Variants in SYNPR observed in about 807,000 individuals in gnomAD.
The protein encoded by SYNPR is synaptoporin.
In SYNPR, 23 loss-of-function variants were observed where a neutral mutation model predicts 32.9. The observed-to-expected ratio is 0.70, with a 90% CI of 0.50 to 0.99. SYNPR has a LOEUF of 0.99. Among genes scored for constraint, SYNPR ranks in the 50% least tolerant of loss-of-function variants. The pLI, the probability that SYNPR is intolerant of heterozygous loss-of-function variation, is 0.00. For synonymous variants in SYNPR, 146 were observed against 135.9 expected, an observed-to-expected ratio of 1.07 and a Z score of -0.52; for missense variants, 318 against 349.3, an observed-to-expected ratio of 0.91 and a Z score of 0.71.
intron 4 of SYNPR, among the ~76,000 whole-genome samples, chr3:63,595,951 T>TTA (rs1303748170): frequency 1.4e-4 from 16 of 116,774 alleles, no homozygotes; most frequent in Admixed American, 2.8e-4. Flanking sequence ...ATATATAGTT[T>TTA]TATATATATA....
intron 3 of SYNPR, among the ~76,000 whole-genome samples, chr3:63,488,679 G>T (rs1701201720): frequency 6.6e-6 from 1 of 151,648 alleles, no homozygotes; most frequent in Non-Finnish European, 1.5e-5. Context: ...TCCCTGAGTT[G>T]CTATCATTGT....
intron 2 of SYNPR, among the ~76,000 whole-genome samples, chr3:63,397,302 G>A (rs920626142): frequency 6.6e-6 from 1 of 152,080 alleles, no homozygotes; most frequent in African/African-American, 2.4e-5. Context: ...AAATGCAAGG[G>A]TTGATTTAAA....
At chr3:63,342,156 A>G (rs2087378422) in intron 2 of SYNPR, among the ~76,000 whole-genome samples, 1 of 152,190 alleles carries the variant, frequency 6.6e-6, no homozygotes, top group South Asian at 2.1e-4. Context: ...CCCTCTTCAA[A>G]GATCAAGGCT....
intron 2 of SYNPR, among the ~76,000 whole-genome samples, chr3:63,398,578 C>A (rs2088248358): frequency 6.6e-6 from 1 of 151,700 alleles, no homozygotes; most frequent in Non-Finnish European, 1.5e-5. Context: ...ATTAGCCGGG[C>A]ACAGTGGTGG....
intron 2 of SYNPR, among the ~76,000 whole-genome samples, chr3:63,359,902 C>T (rs560176834): frequency 6.6e-6 from 1 of 152,220 alleles, no homozygotes; most frequent in Admixed American, 6.5e-5. Flanking sequence ...TTATGGGTAG[C>T]TTGCAGGTTC....
intron 2 of SYNPR, chr3:63,443,094 C>A: frequency 1.8e-6 from 2 of 1,082,560 alleles, no homozygotes; most frequent in Non-Finnish European, 2.3e-6. Context: ...TCCTGCACTT[C>A]CAGTTGTGAG....
At chr3:63,419,315 C>A (rs2088578395) in intron 2 of SYNPR, among the ~76,000 whole-genome samples, 1 of 152,160 alleles carries the variant, frequency 6.6e-6, no homozygotes, top group Admixed American at 6.5e-5. Flanking sequence ...CAAAACTGAA[C>A]TAGGACCAGA....
At chr3:63,408,476 A>G (rs62251405) in intron 2 of SYNPR, among the ~76,000 whole-genome samples, 37,872 of 145,120 alleles carry the variant, frequency 0.26, 6,551 homozygotes, top group Middle Eastern at 0.39. Flanking sequence ...GAACCAGGGA[A>G]GCTGGTAGTA....
intron 2 of SYNPR, among the ~76,000 whole-genome samples, chr3:63,426,442 A>G (rs1699893604): frequency 6.6e-6 from 1 of 152,286 alleles, no homozygotes; most frequent in East Asian, 1.9e-4. Flanking sequence ...GTGGCCAAAG[A>G]AGGGGAGCTC....
chr3:63,362,442 T>C (rs893008606), intron 2 of SYNPR, among the ~76,000 whole-genome samples: 3 of 152,100 alleles, frequency 2.0e-5, no homozygotes, highest in African/African-American at 4.8e-5. Context: ...TTTCCTAAGA[T>C]AAATAGTACA....
chr3:63,514,066 G>A (rs1415580172), intron 3 of SYNPR, among the ~76,000 whole-genome samples: 1 of 152,150 alleles, frequency 6.6e-6, no homozygotes, highest in Non-Finnish European at 1.5e-5. Flanking sequence ...AATATCCAAA[G>A]TAGAGAGCTA....
chr3:63,236,229 T>C (rs955801229), intron 1 of SYNPR, among the ~76,000 whole-genome samples: 1 of 152,114 alleles, frequency 6.6e-6, no homozygotes, highest in Non-Finnish European at 1.5e-5. Context: ...TTTCCATAGA[T>C]CTATACATCA....
intron 2 of SYNPR, among the ~76,000 whole-genome samples, chr3:63,447,512 A>G (rs917451587): frequency 6.6e-6 from 1 of 152,208 alleles, no homozygotes; most frequent in Non-Finnish European, 1.5e-5. Context: ...TAAACATTCT[A>G]GGCTGGTGTA....
At chr3:63,366,233 C>A (rs776350322) in intron 2 of SYNPR, among the ~76,000 whole-genome samples, 22 of 152,052 alleles carry the variant, frequency 1.4e-4, no homozygotes, top group Non-Finnish European at 3.2e-4. Flanking sequence ...ATTCTTGGAA[C>A]AAAACCGAGG....
intron 2 of SYNPR, among the ~76,000 whole-genome samples, chr3:63,467,271 C>T (rs1330496674): frequency 6.6e-6 from 1 of 152,176 alleles, no homozygotes; most frequent in Non-Finnish European, 1.5e-5. Flanking sequence ...TAGAGAATGT[C>T]TTCTCTTCTA....
intron 3 of SYNPR, among the ~76,000 whole-genome samples, chr3:63,515,862 G>A (rs931281388): frequency 4.6e-5 from 7 of 151,972 alleles, no homozygotes; most frequent in African/African-American, 1.4e-4. Context: ...AATCTGCTGA[G>A]CATTAAATAA....
At chr3:63,583,357 C>A (rs1703125260) in intron 4 of SYNPR, among the ~76,000 whole-genome samples, 1 of 152,148 alleles carries the variant, frequency 6.6e-6, no homozygotes, top group Non-Finnish European at 1.5e-5. Context: ...AATGGCTGAG[C>A]TTTGGCTAAG....
chr3:63,526,536 C>T (rs1202656969), intron 3 of SYNPR, among the ~76,000 whole-genome samples: 1 of 152,066 alleles, frequency 6.6e-6, no homozygotes, highest in African/African-American at 2.4e-5. Context: ...GTTTTATTCT[C>T]ATTGTATTAA....
chr3:63,293,480 G>A (rs78589180), intron 2 of SYNPR, among the ~76,000 whole-genome samples: 3,218 of 152,144 alleles, frequency 0.021, 122 homozygotes, highest in African/African-American at 0.073. Flanking sequence ...TATCTTTTAC[G>A]TTCATGAATG....
Sources: allele counts gnomAD v4.1 joint callset (sites outside exome capture counted in the v4.1 genomes callset), GRCh38; gene constraint gnomAD v4.1.1; transcripts MANE v1.5; gene names NCBI Gene and HGNC (gene_info 2026-07-23, HGNC 2026-07-21).